PHACTR1: variants seen among roughly 807,000 people sequenced by gnomAD.
PHACTR1 encodes RPEL repeat containing 1.
PHACTR1 carries 16 observed loss-of-function variants against 69.2 expected under a neutral mutation model. That is an observed-to-expected ratio of 0.23 (90% CI 0.16 to 0.35). The LOEUF is 0.35. Among genes scored for constraint, PHACTR1 ranks in the 10% least tolerant of loss-of-function variants. The pLI, the probability that PHACTR1 is intolerant of heterozygous loss-of-function variation, is 1.00. For missense variants in PHACTR1, 510 were observed against 734.7 expected (o/e 0.69, Z 3.54); for synonymous variants, 312 against 284.5 (o/e 1.10, Z -0.97).
At chr6:13,073,331 A>ATTTTTTTTTTTTTTTTTTTTT (rs10664160) in intron 5 of PHACTR1, among the ~76,000 whole-genome samples, 1 of 65,672 alleles carries the variant, frequency 1.5e-5, no homozygotes, top group African/African-American at 6.8e-5. Context: ...CATTCCATGA[A>ATTTTTTTTTTTTTTTTTTTTT]TTTTTTTTTT....
intron 7 of PHACTR1, among the ~76,000 whole-genome samples, chr6:13,191,093 A>G (rs1217639543): frequency 6.6e-6 from 1 of 151,988 alleles, no homozygotes; most frequent in African/African-American, 2.4e-5. Context: ...TGATCCCCAC[A>G]TTCCCAACCC....
chr6:12,860,195 C>A (rs1159689738), intron 4 of PHACTR1, among the ~76,000 whole-genome samples: 1 of 152,058 alleles, frequency 6.6e-6, no homozygotes, highest in Non-Finnish European at 1.5e-5. Flanking sequence ...ATATTCCCCT[C>A]GGTGCCCATA....
At chr6:12,752,198 T>C (rs574083595) in intron 4 of PHACTR1, among the ~76,000 whole-genome samples, 12 of 152,208 alleles carry the variant, frequency 7.9e-5, no homozygotes, top group Admixed American at 2.0e-4. Flanking sequence ...CACTCACAGA[T>C]GTGCCTTTCT....
intron 4 of PHACTR1, among the ~76,000 whole-genome samples, chr6:12,825,821 T>C (rs1455619404): frequency 1.3e-5 from 2 of 152,166 alleles, no homozygotes; most frequent in Admixed American, 6.5e-5. Flanking sequence ...CTTCACTTCA[T>C]GAAATTCAGG....
chr6:13,044,563 C>T (rs1182111058), intron 4 of PHACTR1, among the ~76,000 whole-genome samples: 1 of 152,134 alleles, frequency 6.6e-6, no homozygotes, highest in African/African-American at 2.4e-5. Flanking sequence ...CCTCTGGCGT[C>T]AGGACGGAGA....
At chr6:12,853,310 T>G (rs1431771279) in intron 4 of PHACTR1, among the ~76,000 whole-genome samples, 1 of 152,196 alleles carries the variant, frequency 6.6e-6, no homozygotes, top group Non-Finnish European at 1.5e-5. Context: ...ATTCATGGAC[T>G]CAGCCTCAGA....
rs545574089 is a variant in PHACTR1 at position 12,735,509 on chromosome 6, C to T, written c.104-14135C>T. Reference sequence around the variant, plus strand: ...TTCAAAAGAAAGAGGGAGCATAGCTCATACACCTAAACAGTTTTTGTTAAT... The same window carrying T: ...TTCAAAAGAAAGAGGGAGCATAGCTTATACACCTAAACAGTTTTTGTTAAT... On this transcript the variant is annotated intron_variant, in intron 3 of 14. Coordinates refer to ENST00000332995, the MANE Select transcript of PHACTR1 (RefSeq NM_030948.6). Among the ~76,000 whole-genome samples the T allele has an allele frequency of 3.3e-5, 5 of 152,302 alleles. No individual in the cohort carries two copies. The South Asian group carries it at 6.2e-4, about 19-fold the overall frequency.
At position 13,246,829 on chromosome 6, in the gene PHACTR1, A is replaced by C. The variant is rs535163839; in HGVS notation, c.1391+16636A>C. On this transcript the variant is annotated intron_variant, in intron 10 of 14. Coordinates refer to ENST00000332995, the MANE Select transcript of PHACTR1 (RefSeq NM_030948.6). This position sits in a 1 kb window ranked among gnomAD's most constrained non-coding sequence, Gnocchi z 4.2. Reference sequence around the variant, plus strand: ...ATGTATCTTTGTTTACTGGCAAAACACCTCGAATCTCATGCAAAATGCTAA... The same window carrying C: ...ATGTATCTTTGTTTACTGGCAAAACCCCTCGAATCTCATGCAAAATGCTAA... 8.5e-5 allele frequency among the ~76,000 whole-genome samples: 13 copies of C among 152,222 alleles called. No homozygotes were observed. Among genetic ancestry groups the C allele is most frequent in the Non-Finnish European group, 1.5e-4 (10 of 68,040 alleles).
intron 4 of PHACTR1, among the ~76,000 whole-genome samples, chr6:12,753,549 C>T (rs75903935): frequency 0.041 from 6,201 of 152,284 alleles, 172 homozygotes; most frequent in South Asian, 0.097. Flanking sequence ...CTTTTCTAAT[C>T]ATAAGGAGGT....
Position 13,283,310 on chromosome 6 carries a change from C to T in PHACTR1, c.1510-112C>T. ...CCTGCCCCTCACTCACTATGCGATG[C>T]ATCCATCGCCTCACTGAACCTTATT... On this transcript the variant is annotated intron_variant, in intron 12 of 14. Transcript: ENST00000332995. This position sits in a 1 kb window ranked among gnomAD's most constrained non-coding sequence, Gnocchi z 4.7. The T allele has an allele frequency of 1.1e-6, 1 of 893,692 alleles. No homozygotes were observed. Among genetic ancestry groups the T allele is most frequent in the South Asian group, 1.4e-5 (1 of 69,254 alleles). 55.4% of individuals were successfully genotyped at this position (893,692 alleles called of 1,614,324 possible).
At chr6:12,742,475 T>C (rs1307813054) in intron 3 of PHACTR1, among the ~76,000 whole-genome samples, 2 of 152,162 alleles carry the variant, frequency 1.3e-5, no homozygotes, top group Non-Finnish European at 2.9e-5. Context: ...TTGACTTCTT[T>C]ACCACAACCT....
chr6:12,878,055 T>C (rs984192047), intron 4 of PHACTR1, among the ~76,000 whole-genome samples: 3 of 152,202 alleles, frequency 2.0e-5, no homozygotes, highest in African/African-American at 7.2e-5. Flanking sequence ...CAGCTAAGTG[T>C]TCATTGCTCT....
intron 3 of PHACTR1, among the ~76,000 whole-genome samples, chr6:12,734,183 T>C (rs1190640589): frequency 2.6e-5 from 4 of 152,196 alleles, no homozygotes; most frequent in Non-Finnish European, 5.9e-5. Flanking sequence ...ACATAATGTT[T>C]TATCCTCCCA....
chr6:13,079,230 C>T (rs1429737951), intron 5 of PHACTR1, among the ~76,000 whole-genome samples: 8 of 152,160 alleles, frequency 5.3e-5, no homozygotes, highest in Non-Finnish European at 1.2e-4. Flanking sequence ...TTACTGCTTA[C>T]ATGCGATGGC....
At chr6:13,185,872 A>G (rs1030012359) in intron 7 of PHACTR1, among the ~76,000 whole-genome samples, 1 of 152,342 alleles carries the variant, frequency 6.6e-6, no homozygotes, top group Non-Finnish European at 1.5e-5. Flanking sequence ...ATATTCACCT[A>G]TCTTATAGGA....
At chr6:12,763,767 A>G (rs1768298015) in intron 4 of PHACTR1, among the ~76,000 whole-genome samples, 1 of 152,184 alleles carries the variant, frequency 6.6e-6, no homozygotes, top group Non-Finnish European at 1.5e-5. Context: ...TATCTCACCA[A>G]TTTATTTGCA....
rs537360105 is a variant in PHACTR1 at position 13,137,519 on chromosome 6, AT to A, written c.416-22683del. On this transcript the variant is annotated intron_variant, in intron 5 of 14. Transcript: ENST00000332995. ...AATTTTTGAAAGTTAAACTATTTGAATTAATTCATCTATGTACCGTTTTCTG... is the reference window on the plus strand; with the variant it reads ...AATTTTTGAAAGTTAAACTATTTGAATAATTCATCTATGTACCGTTTTCTG... 2.0e-4 allele frequency among the ~76,000 whole-genome samples: 30 copies of A among 152,356 alleles called. 1 individual carries two copies. In the East Asian group the frequency reaches 5.6e-3, roughly 28 times the overall value.
chr6:12,954,604 C>T (rs1791662965), intron 4 of PHACTR1, among the ~76,000 whole-genome samples: 2 of 151,982 alleles, frequency 1.3e-5, no homozygotes, highest in South Asian at 4.2e-4. Flanking sequence ...ACTTTGGGAG[C>T]CTGAGCTTGG....
chr6:13,021,671 C>A lies in PHACTR1; in HGVS notation c.251-31694C>A, dbSNP rs553891976. Among the ~76,000 whole-genome samples the A allele has an allele frequency of 1.1e-3, 168 of 152,284 alleles. 2 individuals carry two copies. In the South Asian group the frequency reaches 0.013, roughly 12 times the overall value. ...AATAGTATATAAAAGTTCAGTTTCTCTGCAATTTTTCTGACATTTGTTATT... is the reference window on the plus strand; with the variant it reads ...AATAGTATATAAAAGTTCAGTTTCTATGCAATTTTTCTGACATTTGTTATT... On this transcript the variant is annotated intron_variant, in intron 4 of 14. Coordinates refer to ENST00000332995, the MANE Select transcript of PHACTR1 (RefSeq NM_030948.6).
Sources: gnomAD v4.1 joint callset for allele counts (sites outside exome capture counted in the v4.1 genomes callset) on GRCh38, gnomAD v4.1.1 for gene constraint, Gnocchi (gnomAD v3.1) non-coding constraint, MANE v1.5 for transcripts, NCBI Gene and HGNC (gene_info 2026-07-23, HGNC 2026-07-21) for gene names.